The following PRR12 variants were observed in gnomAD, a reference collection of about 807,000 sequenced individuals.
PRR12 encodes the protein proline-rich protein 12.
Under a neutral mutation model 138.0 loss-of-function variants are expected in PRR12, and 12 were observed. The ratio of observed to expected loss-of-function variants is 0.09; its 90% CI spans 0.06 to 0.14. The LOEUF (loss-of-function observed/expected upper bound fraction) is 0.14, where lower values mean the gene tolerates loss of function less well. PRR12 is among the 10% of genes least tolerant of loss of function. The pLI, the probability that PRR12 is intolerant of heterozygous loss-of-function variation, is 1.00. For synonymous variants in PRR12, 1,567 were observed against 1,291.7 expected, an observed-to-expected ratio of 1.21 and a Z score of -4.57; for missense variants, 2,692 against 2,861.3, an observed-to-expected ratio of 0.94 and a Z score of 1.35.
In PRR12 at chr19:49,595,812, A is replaced by G. The variant is rs774763855; in HGVS notation, c.1477A>G (p.Thr493Ala). 1 of 1,598,462 alleles carries G rather than the reference A, an allele frequency of 6.3e-7. No homozygotes were observed. The highest frequency in any genetic ancestry group is 1.1e-5 in the South Asian group (1 of 90,116). ...CGGCCCCCCTCCTCCTGGCCTGGCCACATGTCAGAGCTACTCCCCGGACCA... is the reference window on the plus strand; with the variant it reads ...CGGCCCCCCTCCTCCTGGCCTGGCCGCATGTCAGAGCTACTCCCCGGACCA... ...PSGPPPPGLA[T>A]CQSYSPDQLQ... is the part of the protein sequence containing the mutation. Residue 493 changes from threonine (T) to alanine (A), a missense_variant, in exon 4 of 14, where the codon ACA becomes GCA. Physicochemically the swap from Thr to Ala is moderately conservative, Grantham distance 58 (BLOSUM62 0). Coordinates refer to ENST00000418929, the MANE Select transcript of PRR12 (RefSeq NM_020719.3).
Position 49,614,917 on chromosome 19 carries a change from C to T in PRR12, c.4932C>T (p.Arg1644=), listed in dbSNP as rs747399369. 26 of 1,613,952 alleles carry T rather than the reference C, an allele frequency of 1.6e-5. No individual in the cohort carries two copies. Among genetic ancestry groups the T allele is most frequent in the South Asian group, 1.3e-4 (12 of 91,080 alleles). Residue 1644 remains arginine (R), a synonymous_variant, in exon 8 of 14, where the codon CGC becomes CGT. Coordinates refer to ENST00000418929, the MANE Select transcript of PRR12 (RefSeq NM_020719.3). The surrounding 1 kb of genome is among the most constrained non-coding windows in gnomAD (Gnocchi z 5.0). ...YFGDAKNRYQ[R]LYVKFLENVN... is the part of the protein sequence containing the mutation. Reference sequence around the variant, plus strand: ...GGGATGCAAAAAATCGGTACCAGCGCCTCTATGTAAAGTTCCTGGAAAATG... The same window carrying T: ...GGGATGCAAAAAATCGGTACCAGCGTCTCTATGTAAAGTTCCTGGAAAATG...
At chr19:49,618,627 G>A (rs1434590644) in intron 9 of PRR12, among the ~76,000 whole-genome samples, 2 of 152,026 alleles carry the variant, frequency 1.3e-5, no homozygotes, top group Admixed American at 6.6e-5. Context: ...GACCTCAGGC[G>A]ATCCTCTCGC....
Position 49,595,115 on chromosome 19 carries a change from G to A in PRR12, c.780G>A (p.Gln260=). Residue 260 remains glutamine, a synonymous_variant, in exon 4 of 14, where the codon CAG becomes CAA. Coordinates refer to ENST00000418929, the MANE Select transcript of PRR12 (RefSeq NM_020719.3). ...CCGCTGCCGCCGCCGCTGCCGAGCA[G>A]TCCTCCCCACAGCTCTATAACTTCT... The part of the protein sequence containing the change: ...SSSAAAAAAE[Q]SSPQLYNFSG... The A allele has an allele frequency of 6.2e-7, 1 of 1,612,026 alleles. No individual in the cohort carries two copies. Among genetic ancestry groups the A allele is most frequent in the South Asian group, 1.1e-5 (1 of 91,072 alleles).
Position 49,614,661 on chromosome 19 carries a change from A to G in PRR12, c.4890+12A>G. 6.4e-7 allele frequency: 1 copy of G among 1,552,190 alleles called. No homozygotes were observed. Among genetic ancestry groups the G allele is most frequent in the Non-Finnish European group, 8.7e-7 (1 of 1,147,074 alleles). ...GTGCCACCAGTAATGTAAGCCTGCAAAGGGGACCAAGGACTTGGGGGCCCC... is the reference window on the plus strand; with the variant it reads ...GTGCCACCAGTAATGTAAGCCTGCAGAGGGGACCAAGGACTTGGGGGCCCC... On this transcript the variant is annotated intron_variant, in intron 7 of 13. Coordinates refer to ENST00000418929, the MANE Select transcript of PRR12 (RefSeq NM_020719.3). This position sits in a 1 kb window ranked among gnomAD's most constrained non-coding sequence, Gnocchi z 5.0.
chr19:49,594,939 T>C lies in PRR12; in HGVS notation c.604T>C (p.Ser202Pro). ...KPSQAPTVPSSLGFERLAGGG... is the reference protein window; with the variant it reads ...KPSQAPTVPSPLGFERLAGGG... Reference sequence around the variant, plus strand: ...CTCGCAGGCACCCACGGTGCCCTCTTCACTGGGCTTCGAGCGCCTGGCAGG... The same window carrying C: ...CTCGCAGGCACCCACGGTGCCCTCTCCACTGGGCTTCGAGCGCCTGGCAGG... The change falls in exon 4 of 14, where the codon TCA (serine) becomes CCA (proline). Residue 202 changes from serine (S) to proline (P), a missense_variant. Ser to Pro is a moderately conservative substitution (Grantham distance 74). Coordinates refer to ENST00000418929, the MANE Select transcript of PRR12 (RefSeq NM_020719.3). The surrounding 1 kb of genome is among the most constrained non-coding windows in gnomAD (Gnocchi z 5.6). 6.2e-7 allele frequency: 1 copy of C among 1,603,884 alleles called. No homozygotes were observed. Among genetic ancestry groups the C allele is most frequent in the East Asian group, 2.3e-5 (1 of 44,358 alleles).
intron 6 of PRR12, among the ~76,000 whole-genome samples, chr19:49,612,008 G>A (rs1412190760): frequency 3.3e-5 from 5 of 150,430 alleles, no homozygotes; most frequent in South Asian, 2.1e-4. Context: ...CCAGGCGGGC[G>A]GATCATGAGG....
Position 49,614,905 on chromosome 19 carries a change from T to G in PRR12, c.4920T>G (p.Asn1640Lys), listed in dbSNP as rs758803560. 4 of 1,613,726 alleles carry G rather than the reference T, an allele frequency of 2.5e-6. No homozygotes were observed. The African/African-American group carries it at 5.3e-5, about 22-fold the overall frequency. Reference sequence around the variant, plus strand: ...TGGGGTATTTTGGGGATGCAAAAAATCGGTACCAGCGCCTCTATGTAAAGT... The same window carrying G: ...TGGGGTATTTTGGGGATGCAAAAAAGCGGTACCAGCGCCTCTATGTAAAGT... ...NYLGYFGDAK[N>K]RYQRLYVKFL... Residue 1640 changes from asparagine (N) to lysine (K), a missense_variant, in exon 8 of 14, where the codon AAT becomes AAG. By Grantham distance (94) the Asn-to-Lys change is moderately conservative. Transcript: ENST00000418929. This position sits in a 1 kb window ranked among gnomAD's most constrained non-coding sequence, Gnocchi z 5.0.
chr19:49,603,974 CCA>C (rs1186987027), intron 6 of PRR12, among the ~76,000 whole-genome samples: 8 of 151,966 alleles, frequency 5.3e-5, no homozygotes, highest in Non-Finnish European at 7.4e-5. Flanking sequence ...GCAAGTGCCA[CCA>C]CACCTGGCTA....
chr19:49,593,573 C>T, intron 2 of PRR12, 134 bp downstream of exon 2: 1 of 578,088 alleles, frequency 1.7e-6, no homozygotes, highest in Non-Finnish European at 3.1e-6. Flanking sequence ...TGTGTCTCCT[C>T]TGATTGGTTG....
At chr19:49,613,251 T>A (rs2080875481) in intron 6 of PRR12, among the ~76,000 whole-genome samples, 1 of 150,376 alleles carries the variant, frequency 6.6e-6, no homozygotes, top group Non-Finnish European at 1.5e-5. Flanking sequence ...AGGAGAGTCA[T>A]TTGAACCCAG....
At position 49,594,247 on chromosome 19, in the gene PRR12, C is replaced by G. The variant is rs138110905; in HGVS notation, c.200-207C>G. On this transcript the variant is annotated intron_variant, in intron 2 of 13. Transcript: ENST00000418929. This position sits in a 1 kb window ranked among gnomAD's most constrained non-coding sequence, Gnocchi z 5.6. ...TCCTTATGACTGGATTGCCCCTTGT[C>G]TTGCTTTACTGTCTCACCTTTCCCC... Among the ~76,000 whole-genome samples, 1 of 152,276 alleles carries G rather than the reference C, an allele frequency of 6.6e-6. No homozygotes were observed. Among genetic ancestry groups the G allele is most frequent in the Non-Finnish European group, 1.5e-5 (1 of 68,028 alleles).
chr19:49,609,819 A>T (rs569156101), intron 6 of PRR12, among the ~76,000 whole-genome samples: 1 of 152,144 alleles, frequency 6.6e-6, no homozygotes, highest in Non-Finnish European at 1.5e-5. Context: ...GGTGAGTTCC[A>T]TGGGTGCTGA....
chr19:49,596,300 C>T lies in PRR12; in HGVS notation c.1965C>T (p.Thr655=). ...HLLQAPSPPR[T]SGADGLVGED... ...TGCAGGCGCCCAGCCCTCCTCGGAC[C>T]TCAGGGGCGGACGGCTTGGTGGGCG... Residue 655 remains threonine, a synonymous_variant, in exon 4 of 14, where the codon ACC becomes ACT. Coordinates refer to ENST00000418929, the MANE Select transcript of PRR12 (RefSeq NM_020719.3). The surrounding 1 kb of genome is among the most constrained non-coding windows in gnomAD (Gnocchi z 5.6). The T allele has an allele frequency of 6.2e-7, 1 of 1,611,416 alleles. No individual in the cohort carries two copies. Among genetic ancestry groups the T allele is most frequent in the East Asian group, 2.2e-5 (1 of 44,858 alleles).
chr19:49,592,981 T>G (rs1363326708), intron 1 of PRR12, among the ~76,000 whole-genome samples: 6 of 148,690 alleles, frequency 4.0e-5, no homozygotes, highest in African/African-American at 7.4e-5. Context: ...CTGGGGGGGG[T>G]TTGTGGGGTC....
In PRR12 at chr19:49,595,783, C is replaced by A; in HGVS notation, c.1448C>A (p.Pro483His). ...TACTCAGGGGGCCCCCCACAGCCCC[C>A]CAGCGGCCCCCCTCCTCCTGGCCTG... ...PSYSGGPPQPPSGPPPPGLAT... is the reference protein window; with the variant it reads ...PSYSGGPPQPHSGPPPPGLAT... The change falls in exon 4 of 14, where the codon CCC (proline) becomes CAC (histidine). Residue 483 changes from proline (P) to histidine (H), a missense_variant. Transcript: ENST00000418929. The A allele has an allele frequency of 6.3e-7, 1 of 1,598,882 alleles. No individual in the cohort carries two copies.
Position 49,615,805 on chromosome 19 carries a change from A to G in PRR12, c.5083A>G (p.Lys1695Glu), listed in dbSNP as rs2080889245. 6.2e-7 allele frequency: 1 copy of G among 1,612,734 alleles called. No individual in the cohort carries two copies. The highest frequency in any genetic ancestry group is 8.5e-7 in the Non-Finnish European group (1 of 1,179,464). ...TGGGGGTAGCTCTGCACCTCCCCCTAAGGCCCCAGCACCACCTCCCAAGCC... is the reference window on the plus strand; with the variant it reads ...TGGGGGTAGCTCTGCACCTCCCCCTGAGGCCCCAGCACCACCTCCCAAGCC... ...SAGGSSAPPP[K>E]APAPPPKPET... Residue 1695 changes from lysine (K) to glutamate (E), a missense_variant, in exon 9 of 14, where the codon AAG becomes GAG. Around this residue, in one of 11 missense-constraint regions of PRR12, gnomAD observed 259 missense variants for 265.1 expected, o/e 0.98. Coordinates refer to ENST00000418929, the MANE Select transcript of PRR12 (RefSeq NM_020719.3).
In PRR12 at chr19:49,596,790, G is replaced by A; in HGVS notation, c.2455G>A (p.Val819Ile). The A allele has an allele frequency of 6.2e-7, 1 of 1,601,560 alleles. No individual in the cohort carries two copies. The highest frequency in any genetic ancestry group is 8.5e-7 in the Non-Finnish European group (1 of 1,179,288). Residue 819 changes from valine (V) to isoleucine (I), a missense_variant, in exon 4 of 14, where the codon GTC becomes ATC. Val to Ile is a conservative substitution (Grantham distance 29). This residue lies in a region of PRR12 where 840 missense variants were observed against 689.8 expected (regional missense o/e 1.22). Transcript: ENST00000418929. This position sits in a 1 kb window ranked among gnomAD's most constrained non-coding sequence, Gnocchi z 5.6. Reference protein sequence around the residue: ...APSPSPSASKVGVHLLEPATR... With the variant: ...APSPSPSASKIGVHLLEPATR... ...CAGTCCCTCTCCCAGCGCCTCCAAA[G>A]TCGGCGTCCACCTCCTTGAGCCAGC...
rs2080951690 is a variant in PRR12 at position 49,625,733 on chromosome 19, T to G, written c.*126T>G. 3 of 1,280,980 alleles carry G rather than the reference T, an allele frequency of 2.3e-6. No homozygotes were observed. Among genetic ancestry groups the G allele is most frequent in the Non-Finnish European group, 3.1e-6 (3 of 972,818 alleles). 79.4% of individuals were successfully genotyped at this position (1,280,980 alleles called of 1,614,324 possible). A position where few individuals can be genotyped will look rare whatever the true frequency, so the allele number is the denominator to read the frequency against. On this transcript the variant is annotated 3_prime_UTR_variant, in exon 14 of 14. Coordinates refer to ENST00000418929, the MANE Select transcript of PRR12 (RefSeq NM_020719.3). The surrounding 1 kb of genome is among the most constrained non-coding windows in gnomAD (Gnocchi z 5.5). ...AGGGGGTCATGGGTCAGGGTGTGTCTGTGCTGCCCCCTCCAGGGCAGGGTT... is the reference window on the plus strand; with the variant it reads ...AGGGGGTCATGGGTCAGGGTGTGTCGGTGCTGCCCCCTCCAGGGCAGGGTT...
chr19:49,598,034 G>T, intron 4 of PRR12, 21 bp downstream of exon 4: 1 of 1,337,632 alleles, frequency 7.5e-7, no homozygotes, highest in South Asian at 2.3e-5. Flanking sequence ...ATGGGGTCTT[G>T]TAGGGGATAG....
Sources: allele counts gnomAD v4.1 joint callset (sites outside exome capture counted in the v4.1 genomes callset), GRCh38; gene constraint gnomAD v4.1.1; regional missense constraint gnomAD v4.1.1; non-coding constraint Gnocchi (gnomAD v3.1); transcripts MANE v1.5; gene names NCBI Gene and HGNC (gene_info 2026-07-23, HGNC 2026-07-21).